SYCE2: variants seen among roughly 807,000 people sequenced by gnomAD.
SYCE2 encodes synaptonemal complex central element protein 2.
Under a neutral mutation model 27.9 loss-of-function variants are expected in SYCE2, and 3 were observed. That is an observed-to-expected ratio of 0.11 (90% confidence interval 0.05 to 0.28). The LOEUF is 0.28. Among genes scored for constraint, SYCE2 ranks in the 10% least tolerant of loss-of-function variants. The pLI is 1.00. For synonymous variants in SYCE2, 85 were observed against 100.7 expected (o/e 0.84, Z 0.93); for missense variants, 207 against 263.5 (o/e 0.79, Z 1.48).
At chr19:12,900,418 C>G (rs1970810654) in intron 4 of SYCE2, 42 bp downstream of exon 4, 1 of 1,596,238 alleles carries the variant, frequency 6.3e-7, no homozygotes, top group South Asian at 1.1e-5. Context: ...CCATCCCTGT[C>G]CTCTTCCTCA....
At chr19:12,912,777 T>TAA (rs879686030) in intron 2 of SYCE2, among the ~76,000 whole-genome samples, 4 of 139,644 alleles carry the variant, frequency 2.9e-5, no homozygotes, top group African/African-American at 7.9e-5. Context: ...AAGCAAACAG[T>TAA]AAAAAAAAAA....
At position 12,918,341 on chromosome 19, in the gene SYCE2, C is replaced by G; in HGVS notation, c.16-4G>C. 6.2e-7 allele frequency: 1 copy of G among 1,613,662 alleles called. No homozygotes were observed. Among genetic ancestry groups the G allele is most frequent in the Non-Finnish European group, 8.5e-7 (1 of 1,179,564 alleles). On this transcript the variant is annotated splice_polypyrimidine_tract_variant and splice_region_variant and intron_variant, in intron 1 of 5. Coordinates refer to ENST00000293695, the MANE Select transcript of SYCE2 (RefSeq NM_001105578.2). ...ATTTCACATGGGGCACGTCCACCTGCAAGCACAGTCAGGACGGAGGCCAAG... is the reference window on the plus strand; with the variant it reads ...ATTTCACATGGGGCACGTCCACCTGGAAGCACAGTCAGGACGGAGGCCAAG...
chr19:12,906,358 G>A (rs909698429), intron 2 of SYCE2, among the ~76,000 whole-genome samples: 2 of 152,308 alleles, frequency 1.3e-5, no homozygotes, highest in East Asian at 1.9e-4. Context: ...TGTTGTACAT[G>A]TAACTGTAAT....
In SYCE2 at chr19:12,898,907, T is replaced by G; in HGVS notation, c.*434A>C. On this transcript the variant is annotated 3_prime_UTR_variant, in exon 6 of 6. Transcript: ENST00000293695. ...AAGGATGAGACACCAGGGCATGGGG[T>G]GTGGGATTCTCTGGGAGAGGCGGCT... 4.6e-6 allele frequency: 1 copy of G among 215,314 alleles called. No individual in the cohort carries two copies. The highest frequency in any genetic ancestry group is 9.4e-6 in the Non-Finnish European group (1 of 105,956). 13.3% of individuals were successfully genotyped at this position (215,314 alleles called of 1,614,324 possible). A position where few individuals can be genotyped will look rare whatever the true frequency, so the allele number is the denominator to read the frequency against.
rs757029371 is a variant in SYCE2 at position 12,899,571 on chromosome 19, A to C, written c.613-186T>G. On this transcript the variant is annotated intron_variant, in intron 5 of 5. Coordinates refer to ENST00000293695, the MANE Select transcript of SYCE2 (RefSeq NM_001105578.2). ...CTCCATCAGGGGCCCGAAACTCTCAAGCCCCTTTCTGGAGAGATGCCTGGC... is the reference window on the plus strand; with the variant it reads ...CTCCATCAGGGGCCCGAAACTCTCACGCCCCTTTCTGGAGAGATGCCTGGC... The C allele has an allele frequency of 1.9e-5, 30 of 1,613,912 alleles. 1 individual carries two copies. The South Asian group carries it at 3.2e-4, about 17-fold the overall frequency.
At chr19:12,913,095 G>T (rs931192133) in intron 2 of SYCE2, among the ~76,000 whole-genome samples, 3 of 152,230 alleles carry the variant, frequency 2.0e-5, no homozygotes, top group Non-Finnish European at 4.4e-5. Flanking sequence ...ATGCAAGTCA[G>T]CCCAACACAG....
intron 2 of SYCE2, among the ~76,000 whole-genome samples, chr19:12,915,385 G>A (rs1282089133): frequency 2.6e-5 from 4 of 152,094 alleles, no homozygotes. Flanking sequence ...CGGATCATGA[G>A]GTCAGGAGAT....
intron 2 of SYCE2, among the ~76,000 whole-genome samples, chr19:12,917,895 G>A (rs1971165325): frequency 6.6e-6 from 1 of 151,616 alleles, no homozygotes; most frequent in African/African-American, 2.4e-5. Flanking sequence ...CCGACCTTAG[G>A]TGATCCACCC....
chr19:12,904,799 G>C, intron 2 of SYCE2, 133 bp from the exon 3 acceptor site: 1 of 991,230 alleles, frequency 1.0e-6, no homozygotes, highest in Non-Finnish European at 1.5e-6. Flanking sequence ...AGGAGTTCGA[G>C]ACCAGCCTGG....
chr19:12,899,629 A>C, intron 5 of SYCE2: 1 of 1,612,820 alleles, frequency 6.2e-7, no homozygotes, highest in Middle Eastern at 1.7e-4. Flanking sequence ...CTGAGCTTAG[A>C]AAGGGAGGTG....
At position 12,900,061 on chromosome 19, in the gene SYCE2, G is replaced by A. The variant is rs145442966; in HGVS notation, c.555C>T (p.Pro185=). 1.4e-4 allele frequency: 225 copies of A among 1,613,602 alleles called. No individual in the cohort carries two copies. Among genetic ancestry groups the A allele is most frequent in the Non-Finnish European group, 1.7e-4 (206 of 1,179,952 alleles). Residue 185 remains proline (P), a synonymous_variant, in exon 5 of 6, where the codon CCC becomes CCT. Coordinates refer to ENST00000293695, the MANE Select transcript of SYCE2 (RefSeq NM_001105578.2). ...DHSRGKSPPR[P]GNSQPPDVFV... ...ACACGTCTGGGGGCTGTGAGTTGCC[G>A]GGACGTGGTGGGGACTTTCCCCTAG...
intron 3 of SYCE2, among the ~76,000 whole-genome samples, chr19:12,902,803 G>T (rs555953338): frequency 6.6e-6 from 1 of 151,962 alleles, no homozygotes; most frequent in South Asian, 2.1e-4. Context: ...CAACAGCAAG[G>T]CTTGTCTCAA....
chr19:12,905,929 A>G (rs920670094), intron 2 of SYCE2, among the ~76,000 whole-genome samples: 1 of 151,916 alleles, frequency 6.6e-6, no homozygotes, highest in Non-Finnish European at 1.5e-5. Flanking sequence ...GCAATCAGCA[A>G]TCTCCTGCAA....
At chr19:12,908,529 T>G (rs1289783474) in intron 2 of SYCE2, among the ~76,000 whole-genome samples, 1 of 151,890 alleles carries the variant, frequency 6.6e-6, no homozygotes, top group Non-Finnish European at 1.5e-5. Context: ...TTTCACCGTG[T>G]TAGCCAGGAT....
intron 2 of SYCE2, among the ~76,000 whole-genome samples, chr19:12,908,215 C>T (rs1970975213): frequency 6.6e-6 from 1 of 151,772 alleles, no homozygotes; most frequent in Admixed American, 6.6e-5. Context: ...CAGCCGGCCA[C>T]CTCCCTCTTT....
At chr19:12,905,636 CT>C (rs1367401135) in intron 2 of SYCE2, among the ~76,000 whole-genome samples, 1 of 150,278 alleles carries the variant, frequency 6.7e-6, no homozygotes, top group Non-Finnish European at 1.5e-5. Flanking sequence ...CAGCCCAATG[CT>C]TTCTTTCTTA....
At chr19:12,911,262 A>G (rs1026420007) in intron 2 of SYCE2, among the ~76,000 whole-genome samples, 10 of 152,046 alleles carry the variant, frequency 6.6e-5, no homozygotes, top group African/African-American at 2.4e-4. Flanking sequence ...CGTGAGCCAC[A>G]GTGTCAGCCC....
In SYCE2 at chr19:12,915,589, G is replaced by A. The variant is rs1971122268; in HGVS notation, c.131+2633C>T. Among the ~76,000 whole-genome samples the A allele has an allele frequency of 4.4e-5, 6 of 136,224 alleles. 1 individual carries two copies. The South Asian group carries it at 1.5e-3, about 34-fold the overall frequency. The allele number at this position is 136,224 out of a possible 152,430, so 89.4% of individuals were successfully genotyped here. A position where few individuals can be genotyped will look rare whatever the true frequency, so the allele number is the denominator to read the frequency against. On this transcript the variant is annotated intron_variant, in intron 2 of 5. Transcript: ENST00000293695. The stretch of plus-strand genomic sequence containing the variant: ...CTCACTCCAGCCTGGGCAACAGAGC[G>A]AGACTCCATCTCAAAAAAAAAAAAA...
At chr19:12,907,201 G>A (rs1599634105) in intron 2 of SYCE2, among the ~76,000 whole-genome samples, 1 of 152,074 alleles carries the variant, frequency 6.6e-6, no homozygotes, top group African/African-American at 2.4e-5. Flanking sequence ...GACCACACTC[G>A]GGTCATCTGC....
Sources: gnomAD v4.1 joint callset for allele counts (sites outside exome capture counted in the v4.1 genomes callset) on GRCh38, gnomAD v4.1.1 for gene constraint, MANE v1.5 for transcripts, NCBI Gene and HGNC (gene_info 2026-07-23, HGNC 2026-07-21) for gene names.